Variants in ASCC2 observed in about 807,000 individuals in gnomAD.
The protein encoded by ASCC2 is ASC-1 complex subunit P100.
Under a neutral mutation model 93.5 loss-of-function variants are expected in ASCC2, and 42 were observed. The ratio of observed to expected loss-of-function variants is 0.45; its 90% CI spans 0.35 to 0.58. The LOEUF (loss-of-function observed/expected upper bound fraction) is 0.58. ASCC2 is among the 20% of genes least tolerant of loss of function. ASCC2 has a pLI of 0.00. For synonymous variants in ASCC2, 364 were observed against 384.2 expected (o/e 0.95, Z 0.62); for missense variants, 859 against 977.6 (o/e 0.88, Z 1.62).
At position 29,825,047 on chromosome 22, in the gene ASCC2, G is replaced by A. The variant is rs779421009; in HGVS notation, c.411+40C>T. 7.3e-6 allele frequency: 10 copies of A among 1,363,568 alleles called. No homozygotes were observed. Among genetic ancestry groups the A allele is most frequent in the African/African-American group, 4.5e-5 (3 of 66,772 alleles). The allele number at this position is 1,363,568 out of a possible 1,614,324, so 84.5% of individuals were successfully genotyped here. ...GTGGAGAGCCCGGCACAGAGGTGTC[G>A]AGTATCGGGTGATGACCTGTCATGG... On this transcript the variant is annotated intron_variant, in intron 4 of 19. Transcript: ENST00000307790. The surrounding 1 kb of genome is among the most constrained non-coding windows in gnomAD (Gnocchi z 4.9).
intron 4 of ASCC2, among the ~76,000 whole-genome samples, chr22:29,824,600 G>T (rs1304086401): frequency 6.6e-6 from 1 of 152,136 alleles, no homozygotes; most frequent in Non-Finnish European, 1.5e-5. Context: ...GGGCAACAGA[G>T]TGACACCCTG....
intron 8 of ASCC2, among the ~76,000 whole-genome samples, chr22:29,812,886 G>GTT (rs111804922): frequency 4.4e-4 from 63 of 143,790 alleles, no homozygotes; most frequent in East Asian, 1.2e-3. Context: ...TTGGTTGTGC[G>GTT]TTTTTTTTTT....
chr22:29,825,785 G>A lies in ASCC2; in HGVS notation c.82-5C>T. 4 of 1,600,438 alleles carry A rather than the reference G, an allele frequency of 2.5e-6. No individual in the cohort carries two copies. The highest frequency in any genetic ancestry group is 2.2e-5 in the East Asian group (1 of 44,610). On this transcript the variant is annotated splice_polypyrimidine_tract_variant and splice_region_variant and intron_variant, in intron 2 of 19. Coordinates refer to ENST00000307790, the MANE Select transcript of ASCC2 (RefSeq NM_032204.5). The surrounding 1 kb of genome is among the most constrained non-coding windows in gnomAD (Gnocchi z 4.9). ...GTCTGCCTTCTGCTCGGGGTGCTACGGATCCAAAAACCACGTGTTAACGTG... is the reference window on the plus strand; with the variant it reads ...GTCTGCCTTCTGCTCGGGGTGCTACAGATCCAAAAACCACGTGTTAACGTG...
intron 7 of ASCC2, among the ~76,000 whole-genome samples, chr22:29,813,900 A>C (rs2060552645): frequency 6.6e-6 from 1 of 152,236 alleles, no homozygotes; most frequent in African/African-American, 2.4e-5. Flanking sequence ...CAGGACAAGA[A>C]TATTAAGTCC....
intron 5 of ASCC2, among the ~76,000 whole-genome samples, chr22:29,820,073 AAAAAAAAG>A (rs2061371466): frequency 6.6e-6 from 1 of 152,200 alleles, no homozygotes; most frequent in African/African-American, 2.4e-5. Flanking sequence ...CAGGCTGGAA[AAAAAAAAG>A]ATTAACTGAT....
Position 29,813,490 on chromosome 22 carries a change from G to GC in ASCC2, c.772dup (p.Ala258GlyfsTer38), listed in dbSNP as rs2060505377. 1 of 1,614,034 alleles carries GC rather than the reference G, an allele frequency of 6.2e-7. No homozygotes were observed. The highest frequency in any genetic ancestry group is 1.1e-5 in the South Asian group (1 of 91,092). ...AGCCAAAGGGAAGATATCCAGAAAG[G>GC]CCCAAAGTGTGGTGCAGGTATCACA... On this transcript the variant is annotated frameshift_variant, in exon 8 of 20. Coordinates refer to ENST00000307790, the MANE Select transcript of ASCC2 (RefSeq NM_032204.5). LOFTEE classifies it high-confidence loss of function.
At chr22:29,831,618 A>G (rs1272756451) in intron 2 of ASCC2, among the ~76,000 whole-genome samples, 2 of 152,198 alleles carry the variant, frequency 1.3e-5, no homozygotes, top group Non-Finnish European at 2.9e-5. Flanking sequence ...AAGTGAGCTC[A>G]AATTCTTGGG....
chr22:29,826,789 G>A, intron 2 of ASCC2, among the ~76,000 whole-genome samples: 1 of 151,838 alleles, frequency 6.6e-6, no homozygotes, highest in Non-Finnish European at 1.5e-5. Flanking sequence ...CCTCTTCCAG[G>A]CATTTACATT....
intron 8 of ASCC2, among the ~76,000 whole-genome samples, chr22:29,810,945 G>C (rs532520235): frequency 6.6e-6 from 1 of 152,266 alleles, no homozygotes; most frequent in Admixed American, 6.5e-5. Flanking sequence ...TGGCCAGGCT[G>C]GTCTCGAACT....
chr22:29,818,254 CT>C (rs1809434421), intron 5 of ASCC2, among the ~76,000 whole-genome samples: 1 of 152,050 alleles, frequency 6.6e-6, no homozygotes, highest in Non-Finnish European at 1.5e-5. Context: ...GCGGCTGCCC[CT>C]TCTTGTGCCT....
At chr22:29,800,727 G>C (rs1287034241) in intron 15 of ASCC2, among the ~76,000 whole-genome samples, 4 of 152,166 alleles carry the variant, frequency 2.6e-5, no homozygotes, top group Non-Finnish European at 5.9e-5. Flanking sequence ...GAAGGGAAGA[G>C]GGGGATAGTT....
chr22:29,825,210 G>A lies in ASCC2; in HGVS notation c.288C>T (p.Arg96=), dbSNP rs1230677762. ...TLQKCLDSYL[R]YVPRKFDEGV... ...CCTCGTCGAATTTGCGGGGGACATA[G>A]CGCAGGTAGGAGTCCAGGCACTTCT... is the stretch of plus-strand genomic sequence containing the variant. Residue 96 remains arginine, a synonymous_variant, in exon 4 of 20, where the codon CGC becomes CGT. Transcript: ENST00000307790. The surrounding 1 kb of genome is among the most constrained non-coding windows in gnomAD (Gnocchi z 4.9). The A allele has an allele frequency of 1.9e-6, 3 of 1,555,430 alleles. No individual in the cohort carries two copies. The highest frequency in any genetic ancestry group is 2.6e-6 in the Non-Finnish European group (3 of 1,151,602).
intron 4 of ASCC2, among the ~76,000 whole-genome samples, chr22:29,824,275 C>G (rs1162322945): frequency 1.3e-5 from 2 of 151,982 alleles, no homozygotes; most frequent in East Asian, 3.9e-4. Context: ...CACACACACA[C>G]ACACACACAC....
intron 15 of ASCC2, among the ~76,000 whole-genome samples, chr22:29,794,684 G>A (rs1218241579): frequency 6.6e-6 from 1 of 152,198 alleles, no homozygotes; most frequent in Non-Finnish European, 1.5e-5. Context: ...AGAGCCAAAT[G>A]AACTGTGCCA....
chr22:29,815,533 T>A (rs2060746483), intron 6 of ASCC2, among the ~76,000 whole-genome samples: 1 of 152,148 alleles, frequency 6.6e-6, no homozygotes, highest in Non-Finnish European at 1.5e-5. Flanking sequence ...AAGGCTAGCA[T>A]GTAAGGATTC....
intron 15 of ASCC2, 142 bp downstream of exon 15, chr22:29,800,849 G>T (rs1041241566): frequency 5.1e-6 from 5 of 978,526 alleles, no homozygotes; most frequent in Non-Finnish European, 7.0e-6. Flanking sequence ...ACCACTGGGG[G>T]TGCACAGGTC....
At chr22:29,827,064 C>A (rs956812710) in intron 2 of ASCC2, among the ~76,000 whole-genome samples, 8 of 148,214 alleles carry the variant, frequency 5.4e-5, no homozygotes, top group Non-Finnish European at 1.0e-4. Flanking sequence ...CGCCACTGCA[C>A]CCCAGCCTGG....
At chr22:29,816,212 C>A (rs747148694) in intron 5 of ASCC2, 139 bp from the exon 6 acceptor site, 2 of 724,740 alleles carry the variant, frequency 2.8e-6, no homozygotes, top group East Asian at 2.7e-5. Flanking sequence ...GGACCTAGGA[C>A]GAGTCCTGGC....
chr22:29,827,546 G>A (rs972293132), intron 2 of ASCC2: 5 of 470,610 alleles, frequency 1.1e-5, no homozygotes, highest in Admixed American at 2.4e-5. Context: ...ATGTGGGTCT[G>A]CAGGACCCCC....
Sources: allele counts gnomAD v4.1 joint callset (sites outside exome capture counted in the v4.1 genomes callset), GRCh38; gene constraint gnomAD v4.1.1; non-coding constraint Gnocchi (gnomAD v3.1); transcripts MANE v1.5; gene names NCBI Gene and HGNC (gene_info 2026-07-23, HGNC 2026-07-21).